AOPEP: variants seen among roughly 807,000 people sequenced by gnomAD.
The protein encoded by AOPEP is aminopeptidase O (putative), also known as aminopeptidase O.
In AOPEP, 77 loss-of-function variants were observed where a neutral mutation model predicts 98.1. That is an observed-to-expected ratio of 0.78 (90% CI 0.65 to 0.95). The LOEUF (loss-of-function observed/expected upper bound fraction) is 0.95. Among genes scored for constraint, AOPEP ranks in the 40% least tolerant of loss-of-function variants. The pLI is 0.00. For synonymous variants in AOPEP, 346 were observed against 365.3 expected, an observed-to-expected ratio of 0.95 and a Z score of 0.60; for missense variants, 1,024 against 1,024.7, an observed-to-expected ratio of 1.00 and a Z score of 0.01.
chr9:95,096,100 A>C, the AOPEP span, among the ~76,000 whole-genome samples: 1 of 152,150 alleles, frequency 6.6e-6, no homozygotes, highest in African/African-American at 2.4e-5. Flanking sequence ...CAGATCCCAG[A>C]ACGAGCCATG....
chr9:95,083,524 A>G (rs1028222813), intron 16 of AOPEP, among the ~76,000 whole-genome samples: 7 of 148,636 alleles, frequency 4.7e-5, no homozygotes, highest in African/African-American at 1.2e-4. Flanking sequence ...CACCCACAGC[A>G]CACACACCAC....
Position 94,895,267 on chromosome 9 carries a change from G to C in AOPEP, c.1365-28719G>C, listed in dbSNP as rs193286644. On this transcript the variant is annotated intron_variant, in intron 5 of 16. Transcript: ENST00000375315. Reference sequence around the variant, plus strand: ...AAAAAAAAAATAGCTGGGCATGGTGGTGTGCACCTGTAGTCCCAGCTGCTC... The same window carrying C: ...AAAAAAAAAATAGCTGGGCATGGTGCTGTGCACCTGTAGTCCCAGCTGCTC... 2.6e-5 allele frequency among the ~76,000 whole-genome samples: 4 copies of C among 150,980 alleles called. No individual in the cohort carries two copies. The East Asian group carries it at 7.9e-4, about 30-fold the overall frequency.
the AOPEP span, among the ~76,000 whole-genome samples, chr9:95,103,613 C>T: frequency 2.6e-5 from 4 of 152,284 alleles, no homozygotes; most frequent in Middle Eastern, 3.4e-3. Context: ...GAGTGCCTGG[C>T]GAGAGGCCAG....
chr9:94,808,699 G>A (rs1033395463), intron 5 of AOPEP, among the ~76,000 whole-genome samples: 1 of 152,306 alleles, frequency 6.6e-6, no homozygotes, highest in South Asian at 2.1e-4. Flanking sequence ...CCATAAAATG[G>A]AAATCTTGGA....
chr9:95,078,182 T>C (rs1296409535), intron 14 of AOPEP, among the ~76,000 whole-genome samples: 1 of 152,146 alleles, frequency 6.6e-6, no homozygotes, highest in Non-Finnish European at 1.5e-5. Context: ...GTGGAAATAC[T>C]GACTTCAGAT....
intron 2 of AOPEP, among the ~76,000 whole-genome samples, chr9:94,761,208 A>G (rs934543355): frequency 6.6e-6 from 1 of 152,168 alleles, no homozygotes; most frequent in African/African-American, 2.4e-5. Context: ...GGTATTTGGT[A>G]CCAGAAAGAC....
intron 5 of AOPEP, among the ~76,000 whole-genome samples, chr9:94,878,288 G>A (rs369985297): frequency 1.2e-4 from 18 of 149,486 alleles, no homozygotes; most frequent in African/African-American, 4.5e-4. Flanking sequence ...AGTATTCCTG[G>A]TCAGCTTTAC....
intron 7 of AOPEP, among the ~76,000 whole-genome samples, chr9:94,943,825 C>T (rs2057297760): frequency 7.1e-6 from 1 of 141,526 alleles, no homozygotes; most frequent in African/African-American, 2.6e-5. Context: ...GAGGCTGAGG[C>T]AGGAGAATCA....
intron 5 of AOPEP, among the ~76,000 whole-genome samples, chr9:94,914,256 A>G (rs1427159554): frequency 6.6e-6 from 1 of 152,208 alleles, no homozygotes; most frequent in Non-Finnish European, 1.5e-5. Flanking sequence ...GGCTCAGCCA[A>G]TGGCAGGGAG....
chr9:94,737,077 T>G (rs911447784), intron 1 of AOPEP, among the ~76,000 whole-genome samples: 1 of 152,120 alleles, frequency 6.6e-6, no homozygotes, highest in African/African-American at 2.4e-5. Context: ...GGCTGTTAAT[T>G]TTGTTGGGTT....
At chr9:94,730,821 C>T (rs1190328365) in intron 1 of AOPEP, among the ~76,000 whole-genome samples, 1 of 152,100 alleles carries the variant, frequency 6.6e-6, no homozygotes, top group Non-Finnish European at 1.5e-5. Context: ...AGAATTAGGA[C>T]ATAGTTGGGT....
rs143543480 is a variant in AOPEP at position 94,964,777 on chromosome 9, T to C, written c.1873-2981T>C. On this transcript the variant is annotated intron_variant, in intron 9 of 16. Transcript: ENST00000375315. ...GCCTCAGCCTCCCAAGTAGCTGGTA[T>C]TACAGGTGCCCACCAACCCACCCAG... Among the ~76,000 whole-genome samples, 18 of 152,030 alleles carry C rather than the reference T, an allele frequency of 1.2e-4. No individual in the cohort carries two copies. In the East Asian group the frequency reaches 3.5e-3, roughly 29 times the overall value.
downstream of AOPEP, among the ~76,000 whole-genome samples, chr9:95,088,606 A>G (rs1439388785): frequency 6.6e-6 from 1 of 152,132 alleles, no homozygotes; most frequent in Non-Finnish European, 1.5e-5. Flanking sequence ...CTGCCCTGCG[A>G]GGCTCCCACT....
At chr9:95,063,015 G>C (rs761785930) in intron 14 of AOPEP, among the ~76,000 whole-genome samples, 1 of 152,172 alleles carries the variant, frequency 6.6e-6, no homozygotes, top group Non-Finnish European at 1.5e-5. Context: ...TGCGCTCCTT[G>C]ATGCTCCTTG....
At chr9:94,953,925 T>TTATTTAAAA (rs1422599481) in intron 7 of AOPEP, among the ~76,000 whole-genome samples, 1 of 152,216 alleles carries the variant, frequency 6.6e-6, no homozygotes, top group Non-Finnish European at 1.5e-5. Flanking sequence ...CTGTTACATT[T>TTATTTAAAA]TATTTAAAAT....
the AOPEP span, among the ~76,000 whole-genome samples, chr9:95,142,111 G>A: frequency 1.3e-4 from 19 of 147,206 alleles, no homozygotes; most frequent in Admixed American, 1.3e-3. Flanking sequence ...TCCTGCCTCA[G>A]CCTCCTGAGT....
chr9:94,992,986 T>C (rs1007259794), intron 11 of AOPEP, among the ~76,000 whole-genome samples: 1 of 152,238 alleles, frequency 6.6e-6, no homozygotes, highest in Non-Finnish European at 1.5e-5. Context: ...CTTCATTTCT[T>C]TTCTTTTCCA....
At chr9:94,821,267 G>A (rs779737126) in intron 5 of AOPEP, among the ~76,000 whole-genome samples, 6 of 152,096 alleles carry the variant, frequency 3.9e-5, no homozygotes, top group Non-Finnish European at 4.4e-5. Flanking sequence ...AGGATAGAGC[G>A]TTCACCCCAC....
At chr9:94,743,009 A>G (rs889854287) in intron 1 of AOPEP, among the ~76,000 whole-genome samples, 2 of 152,076 alleles carry the variant, frequency 1.3e-5, no homozygotes, top group Non-Finnish European at 2.9e-5. Flanking sequence ...AGCAAGAGAA[A>G]GACTTCAGAA....
Sources: gnomAD v4.1 joint callset for allele counts (sites outside exome capture counted in the v4.1 genomes callset) on GRCh38, gnomAD v4.1.1 for gene constraint, MANE v1.5 for transcripts, NCBI Gene and HGNC (gene_info 2026-07-23, HGNC 2026-07-21) for gene names.